PTPDC1: variants seen among roughly 807,000 people sequenced by gnomAD.
PTPDC1 encodes protein tyrosine phosphatase domain containing 1.
In PTPDC1, 53 loss-of-function variants were observed where a neutral mutation model predicts 75.3. That is an observed-to-expected ratio of 0.70 (90% CI 0.56 to 0.88). The LOEUF (loss-of-function observed/expected upper bound fraction) is 0.88. PTPDC1 is among the 40% of genes least tolerant of loss of function. The probability of loss-of-function intolerance (pLI) is 0.00; values close to 1 mark genes in which losing one functional copy is unlikely to be tolerated. For synonymous variants in PTPDC1, 349 were observed against 366.2 expected (o/e 0.95, Z 0.54); for missense variants, 925 against 998.6 (o/e 0.93, Z 0.99).
Position 94,048,537 on chromosome 9 carries a change from A to C in PTPDC1, c.-6-16197A>C, listed in dbSNP as rs375230506. On this transcript the variant is annotated intron_variant, in intron 1 of 9. Coordinates refer to the PTPDC1 transcript ENST00000375360. ...GTTTTGAGTGAGTTTCTTAATCCTGAGTTCTATTTTGATTGCACTGTGGTC... is the reference window on the plus strand; with the variant it reads ...GTTTTGAGTGAGTTTCTTAATCCTGCGTTCTATTTTGATTGCACTGTGGTC... 3.7e-4 allele frequency among the ~76,000 whole-genome samples: 57 copies of C among 152,180 alleles called. No individual in the cohort carries two copies. The South Asian group carries it at 0.011, about 30-fold the overall frequency.
At chr9:94,094,836 C>T (rs1827491118) in intron 4 of PTPDC1, among the ~76,000 whole-genome samples, 1 of 152,228 alleles carries the variant, frequency 6.6e-6, no homozygotes, top group Admixed American at 6.5e-5. Flanking sequence ...AGTGACCCGA[C>T]TTTCCAGGTG....
chr9:94,072,564 C>A (rs2117910204), intron 2 of PTPDC1, among the ~76,000 whole-genome samples: 4 of 151,906 alleles, frequency 2.6e-5, no homozygotes, highest in African/African-American at 9.7e-5. Context: ...AAAACTTCTA[C>A]CAAGCAGAAT....
intron 1 of PTPDC1, among the ~76,000 whole-genome samples, chr9:94,057,608 A>C (rs1825986530): frequency 6.6e-6 from 1 of 152,226 alleles, no homozygotes; most frequent in Admixed American, 6.5e-5. Flanking sequence ...CCTCACAACA[A>C]CCAAAAAGAG....
chr9:94,088,745 C>A (rs957459015), intron 4 of PTPDC1, among the ~76,000 whole-genome samples: 3 of 152,100 alleles, frequency 2.0e-5, no homozygotes, highest in African/African-American at 7.2e-5. Context: ...ATTTCAAAGC[C>A]GCCTCAATCA....
intron 4 of PTPDC1, among the ~76,000 whole-genome samples, chr9:94,092,983 C>A (rs1223764924): frequency 6.6e-6 from 1 of 151,180 alleles, no homozygotes; most frequent in Non-Finnish European, 1.5e-5. Context: ...TGTGTCTCTG[C>A]ACGTGAGATG....
chr9:94,098,695 A>G (rs1246634607), intron 6 of PTPDC1, 116 bp downstream of exon 6: 1 of 890,758 alleles, frequency 1.1e-6, no homozygotes, highest in East Asian at 2.6e-5. Flanking sequence ...ACGTTTGCAT[A>G]ATACTTTCTA....
At chr9:94,048,455 G>A (rs939624478) in intron 1 of PTPDC1, among the ~76,000 whole-genome samples, 16 of 152,064 alleles carry the variant, frequency 1.1e-4, no homozygotes, top group Non-Finnish European at 1.9e-4. Flanking sequence ...CCTTCATTTT[G>A]TTATGTACCC....
rs763648399 is a variant in PTPDC1, at chr9:94,098,580, G to A, written c.2013+1G>A. ...AAAAAGGAAGGTAGAAATGTGGCAG[G>A]TATTATTAGTACTTAATTTAATTAT... is the stretch of plus-strand genomic sequence containing the variant. On this transcript the variant is annotated splice_donor_variant, in intron 6 of 8. Transcript: ENST00000620992. LOFTEE classifies it high-confidence loss of function. 1.9e-6 allele frequency: 3 copies of A among 1,602,206 alleles called. No individual in the cohort carries two copies. Among genetic ancestry groups the A allele is most frequent in the Admixed American group, 1.7e-5 (1 of 60,012 alleles).
chr9:94,085,368 A>G lies in PTPDC1; in HGVS notation c.362A>G (p.Asn121Ser). 6.2e-7 allele frequency: 1 copy of G among 1,614,162 alleles called. No homozygotes were observed. The highest frequency in any genetic ancestry group is 8.5e-7 in the Non-Finnish European group (1 of 1,180,016). Residue 121 changes from asparagine to serine, a missense_variant, in exon 2 of 9, where the codon AAC becomes AGC. Physicochemically the swap from Asn to Ser is conservative, Grantham distance 46. Coordinates refer to ENST00000620992, the MANE Select transcript of PTPDC1 (RefSeq NM_001253829.2). Reference sequence around the variant, plus strand: ...GGCGGTAGAGCTTGCAAGTATGAGAACCCAGCCCGCTGGAGTGAGCAGGAG... The same window carrying G: ...GGCGGTAGAGCTTGCAAGTATGAGAGCCCAGCCCGCTGGAGTGAGCAGGAG... ...ACGGRACKYE[N>S]PARWSEQEQA...
chr9:94,038,392 A>C, intron 1 of PTPDC1: 1 of 434,374 alleles, frequency 2.3e-6, no homozygotes, highest in Non-Finnish European at 4.2e-6. Flanking sequence ...TGACTTTTTT[A>C]TGTGTACCAT....
intron 1 of PTPDC1, among the ~76,000 whole-genome samples, chr9:94,058,957 CT>C (rs767749571): frequency 7.9e-5 from 12 of 152,180 alleles, no homozygotes; most frequent in Non-Finnish European, 1.6e-4. Flanking sequence ...TGCTACTGCA[CT>C]CCAGCCTGGG....
At chr9:94,046,321 A>G (rs1587842816) in intron 1 of PTPDC1, among the ~76,000 whole-genome samples, 2 of 152,146 alleles carry the variant, frequency 1.3e-5, no homozygotes, top group Non-Finnish European at 2.9e-5. Context: ...TTGACTTGGC[A>G]ATGCAGGCTC....
chr9:94,042,231 A>G (rs1409992792), intron 1 of PTPDC1, among the ~76,000 whole-genome samples: 4 of 152,170 alleles, frequency 2.6e-5, no homozygotes, highest in Non-Finnish European at 5.9e-5. Context: ...ACAGAACGGT[A>G]CTTATGTACA....
intron 2 of PTPDC1, among the ~76,000 whole-genome samples, chr9:94,076,672 G>A (rs750969982): frequency 4.5e-4 from 69 of 152,070 alleles, no homozygotes; most frequent in Non-Finnish European, 3.2e-4. Context: ...GTGGACATAT[G>A]TTTTCATTTT....
intron 1 of PTPDC1, among the ~76,000 whole-genome samples, chr9:94,041,792 A>G (rs953019391): frequency 2.0e-5 from 3 of 152,066 alleles, no homozygotes; most frequent in Admixed American, 6.6e-5. Flanking sequence ...TCCCTGCTCT[A>G]GCCCTAAAAT....
At chr9:94,050,825 G>A (rs1352348547) in intron 1 of PTPDC1, among the ~76,000 whole-genome samples, 1 of 152,230 alleles carries the variant, frequency 6.6e-6, no homozygotes, top group African/African-American at 2.4e-5. Context: ...AGTCTACAGA[G>A]GCAGGCAGGC....
chr9:94,062,387 C>A (rs1826169569), intron 1 of PTPDC1, among the ~76,000 whole-genome samples: 2 of 152,248 alleles, frequency 1.3e-5, no homozygotes, highest in South Asian at 2.1e-4. Flanking sequence ...AGTCTTCTGA[C>A]CCCTTCCCAC....
intron 1 of PTPDC1, among the ~76,000 whole-genome samples, chr9:94,062,074 A>G (rs1826159671): frequency 6.6e-6 from 1 of 152,228 alleles, no homozygotes; most frequent in Non-Finnish European, 1.5e-5. Context: ...GCATATGAGC[A>G]TAGGCTTTTA....
At chr9:94,101,908 C>G (rs1587912081) in intron 7 of PTPDC1, among the ~76,000 whole-genome samples, 157 bp downstream of exon 7, 2 of 152,090 alleles carry the variant, frequency 1.3e-5, no homozygotes, top group African/African-American at 4.8e-5. Context: ...AAACTGATAC[C>G]CAGTGTAAAC....
Sources: allele counts gnomAD v4.1 joint callset (sites outside exome capture counted in the v4.1 genomes callset), GRCh38; gene constraint gnomAD v4.1.1; transcripts MANE v1.5; gene names NCBI Gene and HGNC (gene_info 2026-07-23, HGNC 2026-07-21).